RXFP1: variants seen among roughly 807,000 people sequenced by gnomAD.
RXFP1 encodes the protein relaxin family peptide receptor 1, also known as relaxin receptor 1.
In RXFP1, 73 loss-of-function variants were observed where a neutral mutation model predicts 89.8. The observed-to-expected ratio is 0.81, with a 90% confidence interval of 0.67 to 0.99. The LOEUF (loss-of-function observed/expected upper bound fraction) is 0.99. Among genes scored for constraint, RXFP1 ranks in the 50% least tolerant of loss-of-function variants. The pLI, the probability that RXFP1 is intolerant of heterozygous loss-of-function variation, is 0.00. For synonymous variants in RXFP1, 277 were observed against 305.5 expected (o/e 0.91, Z 0.97); for missense variants, 793 against 895.5 (o/e 0.89, Z 1.46).
intron 9 of RXFP1, among the ~76,000 whole-genome samples, chr4:158,623,502 C>CAAAAAAAAAAAAAAAAAAAAAA (rs56692438): frequency 9.9e-4 from 42 of 42,628 alleles, no homozygotes; most frequent in Middle Eastern, 0.028. Context: ...AACTCCATCT[C>CAAAAAAAAAAAAAAAAAAAAAA]AAAAAAAAAA....
intron 2 of RXFP1, among the ~76,000 whole-genome samples, chr4:158,583,637 A>T (rs1043800664): frequency 5.3e-5 from 8 of 152,212 alleles, no homozygotes; most frequent in Non-Finnish European, 8.8e-5. Context: ...TCAAAATAAC[A>T]TTGCAAATAC....
chr4:158,593,667 T>C (rs1759978516), intron 3 of RXFP1, among the ~76,000 whole-genome samples, 168 bp downstream of exon 3: 1 of 152,238 alleles, frequency 6.6e-6, no homozygotes, highest in Non-Finnish European at 1.5e-5. Flanking sequence ...TAATTGCAAA[T>C]TCTATTAAAT....
chr4:158,622,651 G>A (rs1202776359), intron 9 of RXFP1, among the ~76,000 whole-genome samples: 1 of 152,202 alleles, frequency 6.6e-6, no homozygotes, highest in East Asian at 1.9e-4. Flanking sequence ...TTTATACGTG[G>A]AATTTCTTTT....
intron 1 of RXFP1, among the ~76,000 whole-genome samples, chr4:158,557,639 C>G (rs1751588884): frequency 3.3e-5 from 5 of 152,338 alleles, no homozygotes; most frequent in South Asian, 4.1e-4. Context: ...GCTGGGCTTA[C>G]AGGCGTAAGC....
intron 1 of RXFP1, among the ~76,000 whole-genome samples, chr4:158,567,955 C>T (rs1202556408): frequency 2.0e-5 from 3 of 152,180 alleles, no homozygotes; most frequent in Non-Finnish European, 2.9e-5. Context: ...CAGCTGCTCA[C>T]GCTTTGGATT....
At chr4:158,620,815 G>C (rs1437496765) in intron 9 of RXFP1, among the ~76,000 whole-genome samples, 1 of 152,168 alleles carries the variant, frequency 6.6e-6, no homozygotes, top group African/African-American at 2.4e-5. Context: ...GTCAAAGGAT[G>C]TCATTTAAAG....
At chr4:158,615,837 A>G (rs1174453657) in intron 8 of RXFP1, among the ~76,000 whole-genome samples, 1 of 152,094 alleles carries the variant, frequency 6.6e-6, no homozygotes, top group Non-Finnish European at 1.5e-5. Context: ...CTGTAGTCCC[A>G]GCTACTCAGG....
intron 9 of RXFP1, among the ~76,000 whole-genome samples, chr4:158,617,428 T>A (rs10446770): frequency 0.87 from 122,934 of 140,498 alleles, 53,318 homozygotes; most frequent in Middle Eastern, 0.93. Context: ...TCAAAAAAAA[T>A]ATATATATAT....
intron 4 of RXFP1, among the ~76,000 whole-genome samples, chr4:158,604,209 C>G (rs936978778): frequency 6.6e-6 from 1 of 151,980 alleles, no homozygotes; most frequent in Non-Finnish European, 1.5e-5. Context: ...TTAAGTTAAC[C>G]TCCAGACAAT....
At chr4:158,587,381 G>C (rs953409907) in intron 2 of RXFP1, among the ~76,000 whole-genome samples, 1 of 152,046 alleles carries the variant, frequency 6.6e-6, no homozygotes, top group African/African-American at 2.4e-5. Context: ...GTAATACCTT[G>C]ATTTGCAATA....
In RXFP1 at chr4:158,572,748, T is replaced by C; in HGVS notation, c.100T>C (p.Cys34Arg). 1 of 1,614,206 alleles carries C rather than the reference T, an allele frequency of 6.2e-7. No individual in the cohort carries two copies. Among genetic ancestry groups the C allele is most frequent in the African/African-American group, 1.3e-5 (1 of 75,060 alleles). Residue 34 changes from cysteine (C) to arginine (R), a missense_variant, in exon 2 of 18, where the codon TGT becomes CGT. Coordinates refer to ENST00000307765, the MANE Select transcript of RXFP1 (RefSeq NM_021634.4). ...CAAGTGCTCCCTTGGCTATTTCCCC[T>C]GTGGGAACATCACAAAGTGCTTGCC... is the stretch of plus-strand genomic sequence containing the variant. ...DVKCSLGYFP[C>R]GNITKCLPQL... is the part of the protein sequence containing the mutation.
chr4:158,578,317 T>A (rs781404521), intron 2 of RXFP1, among the ~76,000 whole-genome samples: 45 of 152,130 alleles, frequency 3.0e-4, no homozygotes, highest in African/African-American at 2.2e-4. Context: ...ACCAAAAAAA[T>A]TTTTTTAAGT....
At chr4:158,599,573 G>T in intron 4 of RXFP1, 142 bp downstream of exon 4, 2 of 650,014 alleles carry the variant, frequency 3.1e-6, no homozygotes, top group South Asian at 2.7e-5. Context: ...AATAATTACT[G>T]ATATTTATTT....
chr4:158,629,404 C>T (rs941468937), intron 11 of RXFP1, among the ~76,000 whole-genome samples: 1 of 152,088 alleles, frequency 6.6e-6, no homozygotes, highest in African/African-American at 2.4e-5. Context: ...AATATTCCTA[C>T]CTATAATAAT....
intron 5 of RXFP1, among the ~76,000 whole-genome samples, chr4:158,607,550 A>G (rs1436962458): frequency 6.6e-6 from 1 of 152,226 alleles, no homozygotes; most frequent in Non-Finnish European, 1.5e-5. Flanking sequence ...GACCCGTATT[A>G]AAAGTCTGGC....
At chr4:158,616,814 C>T (rs1764672572) in intron 8 of RXFP1, among the ~76,000 whole-genome samples, 1 of 151,380 alleles carries the variant, frequency 6.6e-6, no homozygotes, top group African/African-American at 2.4e-5. Flanking sequence ...GCCTGGCTAA[C>T]ATGGTGAAAC....
At chr4:158,640,787 A>G (rs1297127518) in intron 14 of RXFP1, among the ~76,000 whole-genome samples, 3 of 152,254 alleles carry the variant, frequency 2.0e-5, no homozygotes, top group African/African-American at 7.2e-5. Flanking sequence ...ATATAAAATA[A>G]TTATAAATAA....
At chr4:158,576,368 C>T (rs956429048) in intron 2 of RXFP1, among the ~76,000 whole-genome samples, 23 of 151,662 alleles carry the variant, frequency 1.5e-4, no homozygotes, top group African/African-American at 2.9e-4. Flanking sequence ...GGAGATCAGC[C>T]TAGGCAACAT....
At chr4:158,559,844 T>C (rs920255395) in intron 1 of RXFP1, among the ~76,000 whole-genome samples, 12 of 152,236 alleles carry the variant, frequency 7.9e-5, no homozygotes, top group East Asian at 3.8e-4. Flanking sequence ...ATAAGCTTGA[T>C]AGGTGAAATC....
Sources: gnomAD v4.1 joint callset for allele counts (sites outside exome capture counted in the v4.1 genomes callset) on GRCh38, gnomAD v4.1.1 for gene constraint, MANE v1.5 for transcripts, NCBI Gene and HGNC (gene_info 2026-07-23, HGNC 2026-07-21) for gene names.